The following ZNF718 variants were observed in gnomAD, a reference collection of about 807,000 sequenced individuals.
ZNF718 encodes zinc finger protein 718.
In ZNF718, 3 loss-of-function variants were observed where a neutral mutation model predicts 2.6. The observed-to-expected ratio is 1.16, with a 90% confidence interval of 0.53 to 3.01. The LOEUF (loss-of-function observed/expected upper bound fraction) is 3.01, where lower values mean the gene tolerates loss of function less well. Among genes scored for constraint, ZNF718 ranks in the 30% most tolerant of loss-of-function variants. The probability of loss-of-function intolerance (pLI) is 0.03; values close to 1 mark genes in which losing one functional copy is unlikely to be tolerated. For missense variants in ZNF718, 468 were observed against 230.0 expected (o/e 2.03, Z -6.69); for synonymous variants, 135 against 77.9 (o/e 1.73, Z -3.86).
intron 3 of ZNF718, among the ~76,000 whole-genome samples, chr4:141,880 T>C (rs187498652): frequency 1.5e-4 from 23 of 152,328 alleles, no homozygotes; most frequent in Admixed American, 7.2e-4. Flanking sequence ...TTAAACATTT[T>C]ATAAAGGGAT....
At chr4:160,503 T>G (rs537091040) in intron 3 of ZNF718, among the ~76,000 whole-genome samples, 8 of 152,296 alleles carry the variant, frequency 5.3e-5, no homozygotes, top group African/African-American at 1.9e-4. Context: ...ATTTTATATA[T>G]TAGATTTGTA....
intron 3 of ZNF718, among the ~76,000 whole-genome samples, chr4:197,995 A>G (rs368437006): frequency 1.3e-5 from 2 of 152,188 alleles, no homozygotes; most frequent in African/African-American, 4.8e-5. Context: ...TGACTGAAGG[A>G]TAAAGAGTTG....
At chr4:157,394 T>G (rs1716622351) in intron 3 of ZNF718, among the ~76,000 whole-genome samples, 1 of 152,094 alleles carries the variant, frequency 6.6e-6, no homozygotes, top group African/African-American at 2.4e-5. Flanking sequence ...TATTAACAGG[T>G]GTGAGCCACC....
intron 3 of ZNF718, among the ~76,000 whole-genome samples, chr4:177,034 C>T (rs76044567): frequency 6.6e-6 from 1 of 152,150 alleles, no homozygotes; most frequent in Non-Finnish European, 1.5e-5. Flanking sequence ...TTACCTCACC[C>T]CTAAAATTTC....
intron 3 of ZNF718, among the ~76,000 whole-genome samples, chr4:145,070 C>A (rs770743528): frequency 7.9e-5 from 12 of 151,530 alleles, no homozygotes; most frequent in Non-Finnish European, 1.0e-4. Flanking sequence ...TGATACTAAC[C>A]CTTTCATGAG....
At chr4:200,514 ACCT>A (rs1717877573) in intron 3 of ZNF718, among the ~76,000 whole-genome samples, 1 of 151,848 alleles carries the variant, frequency 6.6e-6, no homozygotes, top group Non-Finnish European at 1.5e-5. Flanking sequence ...TGATCCACCC[ACCT>A]CAGCCTCCCA....
chr4:197,178 T>C (rs1417938867), intron 3 of ZNF718, among the ~76,000 whole-genome samples: 2 of 152,066 alleles, frequency 1.3e-5, no homozygotes. Context: ...GGAGTTGACA[T>C]GTCCTTTACT....
chr4:173,372 C>T (rs535301481), intron 3 of ZNF718, among the ~76,000 whole-genome samples: 254 of 152,294 alleles, frequency 1.7e-3, no homozygotes, highest in African/African-American at 5.7e-3. Flanking sequence ...GTGCCCATTT[C>T]TCAGCTTTGC....
At chr4:176,564 G>A (rs1275891015) in intron 3 of ZNF718, among the ~76,000 whole-genome samples, 5 of 152,108 alleles carry the variant, frequency 3.3e-5, no homozygotes, top group East Asian at 1.9e-4. Flanking sequence ...AAATATTCCC[G>A]ATACCAAATG....
At chr4:142,570 C>G (rs529716560) in intron 3 of ZNF718, among the ~76,000 whole-genome samples, 3 of 152,246 alleles carry the variant, frequency 2.0e-5, no homozygotes, top group Admixed American at 2.0e-4. Context: ...AGGTCCTTTC[C>G]CATGGTTTAA....
At chr4:188,683 G>C (rs1717618959) in intron 3 of ZNF718, among the ~76,000 whole-genome samples, 1 of 152,180 alleles carries the variant, frequency 6.6e-6, no homozygotes, top group African/African-American at 2.4e-5. Flanking sequence ...CTGTGTGTCA[G>C]GCCCAAGGCC....
chr4:194,001 C>G (rs554838058), intron 3 of ZNF718, among the ~76,000 whole-genome samples: 1 of 152,296 alleles, frequency 6.6e-6, no homozygotes, highest in Admixed American at 6.5e-5. Context: ...CCCAGCCTTT[C>G]CCTGTTCCAG....
At chr4:136,533 C>G (rs1257937218) in intron 3 of ZNF718, 2 of 511,440 alleles carry the variant, frequency 3.9e-6, no homozygotes, top group Non-Finnish European at 7.9e-6. Context: ...TCTATGGGCT[C>G]TTGAGTTGGC....
chr4:190,225 C>T (rs1717664056), intron 3 of ZNF718, among the ~76,000 whole-genome samples: 1 of 151,654 alleles, frequency 6.6e-6, no homozygotes, highest in Admixed American at 6.6e-5. Context: ...GGTCAGGAGA[C>T]CGAGACCATC....
chr4:125,747 C>G lies in ZNF718; in HGVS notation c.3+1074C>G, dbSNP rs116587317. On this transcript the variant is annotated intron_variant, in intron 1 of 3. Transcript: ENST00000510175. ...CCCGCATCCTGCTGCCAGCCCCCAC[C>G]CAATGCTAACCCACTCCTGAGCACG... Among the ~76,000 whole-genome samples, 318 of 152,348 alleles carry G rather than the reference C, an allele frequency of 2.1e-3. 1 individual carries two copies. Among genetic ancestry groups the G allele is most frequent in the African/African-American group, 7.4e-3 (307 of 41,582 alleles).
At chr4:179,749 T>C (rs538049027) in intron 3 of ZNF718, among the ~76,000 whole-genome samples, 57 of 152,316 alleles carry the variant, frequency 3.7e-4, no homozygotes, top group African/African-American at 1.3e-3. Context: ...AAAACAAATG[T>C]CCGTCTTTGG....
At chr4:148,172 C>T (rs557388146) in intron 3 of ZNF718, among the ~76,000 whole-genome samples, 12 of 152,284 alleles carry the variant, frequency 7.9e-5, no homozygotes, top group Non-Finnish European at 1.3e-4. Context: ...GCGCTGGTTA[C>T]AGGGCTACTT....
intron 3 of ZNF718, among the ~76,000 whole-genome samples, chr4:183,813 T>C (rs1368873029): frequency 3.9e-5 from 6 of 152,134 alleles, no homozygotes; most frequent in African/African-American, 1.4e-4. Flanking sequence ...AACTGGCCTG[T>C]TTTTGGTACA....
chr4:134,059 A>G (rs1238241975), intron 3 of ZNF718, among the ~76,000 whole-genome samples: 2 of 152,218 alleles, frequency 1.3e-5, no homozygotes, highest in Admixed American at 6.5e-5. Context: ...ACAACTAAAA[A>G]TTTGTACTCT....
Sources: gnomAD v4.1 joint callset for allele counts (sites outside exome capture counted in the v4.1 genomes callset) on GRCh38, gnomAD v4.1.1 for gene constraint, MANE v1.5 for transcripts, NCBI Gene and HGNC (gene_info 2026-07-23, HGNC 2026-07-21) for gene names.